AKAP13: variants seen among roughly 807,000 people sequenced by gnomAD.
AKAP13 encodes A-kinase anchor protein 13.
AKAP13 carries 80 observed loss-of-function variants against 264.5 expected under a neutral mutation model. That is an observed-to-expected ratio of 0.30 (90% CI 0.25 to 0.36). The LOEUF (loss-of-function observed/expected upper bound fraction) is 0.36. Ranked by LOEUF, AKAP13 falls within the 10% of genes least tolerant of loss-of-function variation. The probability of loss-of-function intolerance (pLI) is 1.00; values close to 1 mark genes in which losing one functional copy is unlikely to be tolerated. For missense variants in AKAP13, 3,712 were observed against 3,435.2 expected (o/e 1.08, Z -2.01); for synonymous variants, 1,380 against 1,250.2 (o/e 1.10, Z -2.19).
At chr15:85,726,248 C>G (rs953037686) in intron 26 of AKAP13, 162 bp from the exon 27 acceptor site, 1 of 532,538 alleles carries the variant, frequency 1.9e-6, no homozygotes, top group African/African-American at 1.9e-5. Context: ...TCCTGGAGAA[C>G]TGTAAAACTG....
chr15:85,498,590 A>ATCTTTGATCTGGTCAT (rs6145663), intron 2 of AKAP13, among the ~76,000 whole-genome samples: 136,990 of 152,072 alleles, frequency 0.9, 62,059 homozygotes, highest in South Asian at 0.96. Context: ...GGTTGATACT[A>ATCTTTGATCTGGTCAT]TTGAAGCTTG....
chr15:85,396,431 ATTGACT>A (rs2071115461), intron 1 of AKAP13, among the ~76,000 whole-genome samples: 1 of 152,300 alleles, frequency 6.6e-6, no homozygotes, highest in South Asian at 2.1e-4. Flanking sequence ...GAACGGTAGA[ATTGACT>A]CATATACTCA....
chr15:85,390,113 TA>T (rs1423904628), intron 1 of AKAP13, among the ~76,000 whole-genome samples: 1 of 152,232 alleles, frequency 6.6e-6, no homozygotes, highest in Non-Finnish European at 1.5e-5. Flanking sequence ...GGTTGTTTGT[TA>T]ATTTTTTCAA....
intron 1 of AKAP13, among the ~76,000 whole-genome samples, chr15:85,392,285 C>G (rs981885787): frequency 2.5e-5 from 3 of 119,944 alleles, no homozygotes; most frequent in Non-Finnish European, 3.4e-5. Flanking sequence ...GATGGAGTCT[C>G]GCTCTGTCGC....
At chr15:85,558,874 G>C (rs917538351) in intron 5 of AKAP13, among the ~76,000 whole-genome samples, 2 of 151,718 alleles carry the variant, frequency 1.3e-5, no homozygotes, top group Non-Finnish European at 2.9e-5. Context: ...TTTGCCCCAC[G>C]AGAAAGCTAA....
intron 8 of AKAP13, among the ~76,000 whole-genome samples, chr15:85,632,486 C>G (rs971161015): frequency 9.2e-5 from 14 of 152,144 alleles, no homozygotes; most frequent in African/African-American, 3.4e-4. Flanking sequence ...TACAAACAGT[C>G]TTGAAAAGAT....
chr15:85,580,214 A>T lies in AKAP13; in HGVS notation c.2146A>T (p.Thr716Ser). 6.2e-7 allele frequency: 1 copy of T among 1,614,212 alleles called. No individual in the cohort carries two copies. Among genetic ancestry groups the T allele is most frequent in the South Asian group, 1.1e-5 (1 of 91,082 alleles). ...ASHCEDPQAH[T>S]VTSDPVRDTQ... ...CCACTGTGAAGACCCACAGGCTCAT[A>T]CAGTCACCTCTGACCCTGTAAGGGA... The change falls in exon 7 of 37, where the codon ACA becomes TCA. Residue 716 changes from threonine (T) to serine (S), a missense_variant. Transcript: ENST00000394518.
At chr15:85,396,645 G>A (rs1440294854) in intron 1 of AKAP13, among the ~76,000 whole-genome samples, 1 of 152,020 alleles carries the variant, frequency 6.6e-6, no homozygotes, top group East Asian at 1.9e-4. Flanking sequence ...GTATAATACT[G>A]TAAACCATGA....
intron 1 of AKAP13, among the ~76,000 whole-genome samples, chr15:85,382,784 T>C (rs1271211791): frequency 6.6e-6 from 1 of 152,194 alleles, no homozygotes; most frequent in African/African-American, 2.4e-5. Flanking sequence ...TCTTTGCCGG[T>C]AGTCTTAACA....
intron 14 of AKAP13, among the ~76,000 whole-genome samples, chr15:85,673,453 G>C (rs565863730): frequency 6.6e-6 from 1 of 152,232 alleles, no homozygotes; most frequent in East Asian, 1.9e-4. Context: ...GCTGTGTCAT[G>C]AGGCTTGGTG....
At chr15:85,552,941 A>G (rs1252876645) in intron 5 of AKAP13, among the ~76,000 whole-genome samples, 1 of 152,164 alleles carries the variant, frequency 6.6e-6, no homozygotes, top group African/African-American at 2.4e-5. Context: ...ATGATTTTCA[A>G]ATTGAACTTA....
At chr15:85,498,751 G>T (rs2075960509) in intron 2 of AKAP13, among the ~76,000 whole-genome samples, 1 of 152,128 alleles carries the variant, frequency 6.6e-6, no homozygotes, top group Admixed American at 6.6e-5. Context: ...CTGCCATCTG[G>T]ACTTCTCTAG....
intron 36 of AKAP13, 128 bp downstream of exon 36, chr15:85,743,953 C>G: frequency 9.2e-7 from 1 of 1,085,866 alleles, no homozygotes; most frequent in African/African-American, 1.6e-5. Flanking sequence ...AAACTGCCAT[C>G]CTTTTCACCA....
At chr15:85,520,950 T>C (rs772263138) in intron 2 of AKAP13, among the ~76,000 whole-genome samples, 5 of 152,254 alleles carry the variant, frequency 3.3e-5, no homozygotes, top group Non-Finnish European at 7.3e-5. Context: ...GGAGAATGTA[T>C]GGACTTGGTA....
intron 10 of AKAP13, among the ~76,000 whole-genome samples, chr15:85,649,368 G>A (rs1410887697): frequency 1.3e-5 from 2 of 152,164 alleles, no homozygotes; most frequent in African/African-American, 4.8e-5. Context: ...TAAAAGCGTG[G>A]CACTGGCAGA....
In AKAP13 at chr15:85,717,383, A is replaced by G. The variant is rs753530118; in HGVS notation, c.5829A>G (p.Thr1943=). 1.8e-5 allele frequency: 29 copies of G among 1,612,590 alleles called. No individual in the cohort carries two copies. Among genetic ancestry groups the G allele is most frequent in the Non-Finnish European group, 2.4e-5 (28 of 1,179,090 alleles). ...LNKISKVNES[T]ESLTDEGVGT... is the part of the protein sequence containing the mutation. ...AAATCAGCAAGGTCAATGAGTCAAC[A>G]GAATCACTTACTGATGAGGGTAAGA... The change falls in exon 21 of 37, where the codon ACA becomes ACG. Residue 1943 remains threonine, a synonymous_variant. Coordinates refer to ENST00000394518, the MANE Select transcript of AKAP13 (RefSeq NM_007200.5).
At chr15:85,476,740 T>C (rs983127277) in intron 1 of AKAP13, among the ~76,000 whole-genome samples, 1 of 152,240 alleles carries the variant, frequency 6.6e-6, no homozygotes, top group Non-Finnish European at 1.5e-5. Flanking sequence ...GTTGGGGTCA[T>C]CAAATGATTC....
At chr15:85,642,254 A>G (rs2082340276) in intron 9 of AKAP13, among the ~76,000 whole-genome samples, 1 of 152,222 alleles carries the variant, frequency 6.6e-6, no homozygotes, top group South Asian at 2.1e-4. Flanking sequence ...TTAGGGAAGT[A>G]CTAATCATCT....
At position 85,401,190 on chromosome 15, in the gene AKAP13, T is replaced by A. The variant is rs964040435; in HGVS notation, c.-12+20392T>A. 9.9e-5 allele frequency among the ~76,000 whole-genome samples: 15 copies of A among 152,282 alleles called. No homozygotes were observed. In the East Asian group the frequency reaches 2.7e-3, roughly 27 times the overall value. On this transcript the variant is annotated intron_variant, in intron 1 of 36. Transcript: ENST00000394518. ...TATATCACTAGATGTAGAAATTTAA[T>A]TTATGATGGTTCTATAATAAAGTCT...
Sources: gnomAD v4.1 joint callset for allele counts (sites outside exome capture counted in the v4.1 genomes callset) on GRCh38, gnomAD v4.1.1 for gene constraint, MANE v1.5 for transcripts, NCBI Gene and HGNC (gene_info 2026-07-23, HGNC 2026-07-21) for gene names.